Variants in INTS11 observed in about 807,000 individuals in gnomAD.
The protein encoded by INTS11 is CPSF3-like protein.
A neutral mutation model predicts 78.6 loss-of-function variants in INTS11; 77 were observed. The ratio of observed to expected loss-of-function variants is 0.98; its 90% CI spans 0.81 to 1.18. The LOEUF (loss-of-function observed/expected upper bound fraction) is 1.18. INTS11 is among the 50% of genes most tolerant of loss of function. The pLI is 0.00. For missense variants in INTS11, 875 were observed against 825.9 expected, an observed-to-expected ratio of 1.06 and a Z score of -0.73; for synonymous variants, 441 against 326.9, an observed-to-expected ratio of 1.35 and a Z score of -3.77.
intron 6 of INTS11, 55 bp downstream of exon 6, chr1:1,315,349 G>A (rs1040374688): frequency 1.2e-6 from 2 of 1,606,516 alleles, no homozygotes; most frequent in Non-Finnish European, 8.5e-7. Context: ...ACACCTGCAA[G>A]GGTCCTGAGC....
chr1:1,311,971 A>C, intron 16 of INTS11, 47 bp from the exon 17 acceptor site: 6 of 1,596,172 alleles, frequency 3.8e-6, no homozygotes, highest in Non-Finnish European at 5.1e-6. Context: ...ACAGGGAGGA[A>C]TGTTGATACC....
At chr1:1,319,275 C>G in intron 4 of INTS11, 21 bp downstream of exon 4, 1 of 1,589,072 alleles carries the variant, frequency 6.3e-7, no homozygotes, top group Non-Finnish European at 8.6e-7. Context: ...ACTGTGCCAG[C>G]TGTGGCCCTG....
chr1:1,313,116 C>T lies in INTS11; in HGVS notation c.1050G>A (p.Met350Ile), dbSNP rs780741157. 9 of 1,607,042 alleles carry T rather than the reference C, an allele frequency of 5.6e-6. No individual in the cohort carries two copies. The Admixed American group carries it at 1.5e-4, about 27-fold the overall frequency. ...CGGTGCCCTGCACGCAGTAGCCGGG[C>T]ATGATGACCTGGGGGCAGGCACAGA... ...WAGNEKNMVIMPGYCVQGTVG... is the reference protein window; with the variant it reads ...WAGNEKNMVIIPGYCVQGTVG... Residue 350 changes from methionine (M) to isoleucine (I), a missense_variant, in exon 11 of 17, where the codon ATG becomes ATA. Physicochemically the swap from Met to Ile is conservative, Grantham distance 10 (BLOSUM62 1). Transcript: ENST00000435064.
At chr1:1,315,737 AGGGGGCGGGGGCG>A (rs1459262226) in intron 4 of INTS11, 119 bp from the exon 5 acceptor site, 4 of 89,356 alleles carry the variant, frequency 4.5e-5, no homozygotes, top group Admixed American at 3.6e-4. Context: ...AAGGGGAGCG[AGGGGGCGGGGGCG>A]GGAGCGAGGG....
chr1:1,322,517 G>A (rs144736652), intron 1 of INTS11, among the ~76,000 whole-genome samples: 3 of 111,734 alleles, frequency 2.7e-5, no homozygotes, highest in Admixed American at 9.9e-5. Context: ...AGACTGCTCC[G>A]AGAAGCCAAC....
intron 9 of INTS11, 66 bp downstream of exon 9, chr1:1,313,666 G>A (rs950954196): frequency 6.2e-7 from 1 of 1,610,374 alleles, no homozygotes; most frequent in Admixed American, 1.7e-5. Flanking sequence ...CCCAAGCCCA[G>A]ACACCTGCGG....
chr1:1,320,289 T>C, intron 3 of INTS11, 167 bp downstream of exon 3: 1 of 665,470 alleles, frequency 1.5e-6, no homozygotes, highest in East Asian at 2.6e-5. Flanking sequence ...GACCAGGCCA[T>C]GTGTGTGACC....
chr1:1,322,128 G>A (rs1379090450), intron 1 of INTS11: 2 of 472,408 alleles, frequency 4.2e-6, no homozygotes, highest in Non-Finnish European at 7.2e-6. Flanking sequence ...GAGGCCCTCT[G>A]GCACCTGTGG....
chr1:1,313,440 AC>A, intron 10 of INTS11, 68 bp downstream of exon 10: 1 of 1,553,090 alleles, frequency 6.4e-7, no homozygotes, highest in Non-Finnish European at 8.9e-7. Flanking sequence ...GAGCTCAGAG[AC>A]AGCATGGGTG....
chr1:1,323,380 C>T, intron 1 of INTS11: 2 of 1,385,046 alleles, frequency 1.4e-6, no homozygotes, highest in Non-Finnish European at 2.0e-6. Context: ...CTAATTTTTT[C>T]CTTCTTCACA....
chr1:1,319,467 G>T lies in INTS11; in HGVS notation c.258C>A (p.Tyr86Ter). 1 of 1,608,808 alleles carries T rather than the reference G, an allele frequency of 6.2e-7. No individual in the cohort carries two copies. Among genetic ancestry groups the T allele is most frequent in the African/African-American group, 1.3e-5 (1 of 75,000 alleles). ...GGTGAGTCATGTAGATGGGCCCGTC[G>T]TAGCCCACCATCTCGCTGAAGTAGG... ...ALPYFSEMVGYDGPIYMTHPT... is the reference protein window; with the variant it reads ...ALPYFSEMVG Residue 86 changes from tyrosine (Y) to a stop codon, truncating the protein, a stop_gained, in exon 4 of 17, where the codon TAC becomes TAA. Coordinates refer to ENST00000435064, the MANE Select transcript of INTS11 (RefSeq NM_017871.6). LOFTEE classifies it high-confidence loss of function.
In INTS11 at chr1:1,311,866, G is replaced by A; in HGVS notation, c.1796C>T (p.Pro599Leu). The part of the protein sequence containing the change: ...SLLKKGLPQA[P>L]S Reference sequence around the variant, plus strand: ...CTGGGTGAGTTGCCGGCCTCAGCTGGGGGCCTGGGGGAGGCCCTTCTTCAG... The same window carrying A: ...CTGGGTGAGTTGCCGGCCTCAGCTGAGGGCCTGGGGGAGGCCCTTCTTCAG... The change falls in exon 17 of 17, where the codon CCC (proline) becomes CTC (leucine). Residue 599 changes from proline to leucine, a missense_variant. Physicochemically the swap from Pro to Leu is moderately conservative, Grantham distance 98. Transcript: ENST00000435064. 7.1e-6 allele frequency: 11 copies of A among 1,554,770 alleles called. No homozygotes were observed. The highest frequency in any genetic ancestry group is 9.6e-6 in the Non-Finnish European group (11 of 1,150,372).
At chr1:1,321,898 TCCCA>T (rs1484299060) in intron 1 of INTS11, 4 of 1,142,298 alleles carry the variant, frequency 3.5e-6, no homozygotes, top group African/African-American at 1.6e-5. Context: ...TCCCCTTGAA[TCCCA>T]CCCACCTCCC....
Position 1,321,064 on chromosome 1 carries a change from T to A in INTS11, c.58A>T (p.Ile20Phe). 6.2e-7 allele frequency: 1 copy of A among 1,612,696 alleles called. No individual in the cohort carries two copies. Among genetic ancestry groups the A allele is most frequent in the Non-Finnish European group, 8.5e-7 (1 of 1,179,660 alleles). Residue 20 changes from isoleucine to phenylalanine, a missense_variant, in exon 2 of 17, where the codon ATC becomes TTC. Physicochemically the swap from Ile to Phe is conservative, Grantham distance 21. Coordinates refer to ENST00000435064, the MANE Select transcript of INTS11 (RefSeq NM_017871.6). ...GAGQDVGRSC[I>F]LVSIAGKNVM... Reference sequence around the variant, plus strand: ...TTCTTGCCCGCAATGGAGACCAGGATGCAGCTTCGGCCCACGTCCTGGCCG... The same window carrying A: ...TTCTTGCCCGCAATGGAGACCAGGAAGCAGCTTCGGCCCACGTCCTGGCCG...
In INTS11 at chr1:1,322,973, T is replaced by C. The variant is rs896215653; in HGVS notation, c.28+1608A>G. 43 of 1,366,304 alleles carry C rather than the reference T, an allele frequency of 3.1e-5. No homozygotes were observed. The African/African-American group carries it at 5.3e-4, about 17-fold the overall frequency. The allele number at this position is 1,366,304 out of a possible 1,614,324, so 84.6% of individuals were successfully genotyped here. A position where few individuals can be genotyped will look rare whatever the true frequency, so the allele number is the denominator to read the frequency against. On this transcript the variant is annotated intron_variant, in intron 1 of 16. Coordinates refer to ENST00000435064, the MANE Select transcript of INTS11 (RefSeq NM_017871.6). ...CACATGAAAGATCAGAAAGATCAGA[T>C]GTCCAGAGAGTGGGCAGAACAGGCA...
intron 15 of INTS11, 22 bp downstream of exon 15, chr1:1,312,204 G>GGGGC (rs1553166773): frequency 8.4e-7 from 1 of 1,186,130 alleles, no homozygotes; most frequent in Non-Finnish European, 1.2e-6. Flanking sequence ...GGAGTGGGGG[G>GGGGC]GGGGCGGGGC....
intron 10 of INTS11, 191 bp downstream of exon 10, chr1:1,313,318 C>T: frequency 2.3e-6 from 2 of 883,094 alleles, no homozygotes; most frequent in Non-Finnish European, 3.5e-6. Flanking sequence ...GGCTGTTCTG[C>T]CCGAGGTGGA....
Position 1,314,237 on chromosome 1 carries a change from A to C in INTS11, c.767+64T>G, listed in dbSNP as rs1642433628. ...ACCGCTACGCTGGACAGGGCTGCCC[A>C]CCAACTGGACTGTGTTCAGGCCGGG... On this transcript the variant is annotated intron_variant, in intron 8 of 16. Coordinates refer to ENST00000435064, the MANE Select transcript of INTS11 (RefSeq NM_017871.6). This position sits in a 1 kb window ranked among gnomAD's most constrained non-coding sequence, Gnocchi z 4.2. 14 of 1,444,842 alleles carry C rather than the reference A, an allele frequency of 9.7e-6. No homozygotes were observed. The highest frequency in any genetic ancestry group is 2.0e-5 in the Admixed American group (1 of 51,048). 89.5% of individuals were successfully genotyped at this position (1,444,842 alleles called of 1,614,324 possible). A position where few individuals can be genotyped will look rare whatever the true frequency, so the allele number is the denominator to read the frequency against.
At chr1:1,315,806 CAG>C (rs1044695320) in intron 4 of INTS11, 188 bp from the exon 5 acceptor site, 1 of 11,736 alleles carries the variant, frequency 8.5e-5, no homozygotes, top group Non-Finnish European at 1.7e-4. Context: ...GCGAGGGAGG[CAG>C]GGGCAGGGAG....
Sources: gnomAD v4.1 joint callset for allele counts (sites outside exome capture counted in the v4.1 genomes callset) on GRCh38, gnomAD v4.1.1 for gene constraint, Gnocchi (gnomAD v3.1) non-coding constraint, MANE v1.5 for transcripts, NCBI Gene and HGNC (gene_info 2026-07-23, HGNC 2026-07-21) for gene names.